The following PLEKHA5 variants were observed in gnomAD, a reference collection of about 807,000 sequenced individuals.
PLEKHA5 encodes pleckstrin homology domain containing A5.
In PLEKHA5, 55 loss-of-function variants were observed where a neutral mutation model predicts 181.9. The observed-to-expected ratio is 0.30, with a 90% confidence interval of 0.24 to 0.38. The LOEUF (loss-of-function observed/expected upper bound fraction) is 0.38, where lower values mean the gene tolerates loss of function less well. Among genes scored for constraint, PLEKHA5 ranks in the 10% least tolerant of loss-of-function variants. PLEKHA5 has a pLI of 1.00. For synonymous variants in PLEKHA5, 535 were observed against 529.4 expected (o/e 1.01, Z -0.15); for missense variants, 1,432 against 1,549.5 (o/e 0.92, Z 1.27).
intron 3 of PLEKHA5, among the ~76,000 whole-genome samples, chr12:19,191,827 C>T (rs1244118137): frequency 6.6e-6 from 1 of 152,124 alleles, no homozygotes; most frequent in East Asian, 1.9e-4. Flanking sequence ...GTTGGTTTCT[C>T]TGCATAAGGC....
chr12:19,210,612 A>G lies in PLEKHA5; in HGVS notation c.228-43328A>G, dbSNP rs192943477. Among the ~76,000 whole-genome samples, 74 of 152,332 alleles carry G rather than the reference A, an allele frequency of 4.9e-4. 2 individuals are homozygous for G. The highest frequency in any genetic ancestry group is 4.8e-3 in the Admixed American group (73 of 15,298). The stretch of plus-strand genomic sequence containing the variant: ...AGCTATACATTTTCCTTGAGAATAA[A>G]TATCTGAAATTATAGTTTAAGTCAA... On this transcript the variant is annotated intron_variant, in intron 3 of 31. Transcript: ENST00000429027.
chr12:19,250,104 C>T (rs774397207), intron 3 of PLEKHA5, among the ~76,000 whole-genome samples: 4 of 152,120 alleles, frequency 2.6e-5, no homozygotes, highest in Non-Finnish European at 5.9e-5. Flanking sequence ...GCCAAATGCT[C>T]CCCTGGAGGC....
At chr12:19,297,514 G>C (rs1404489882) in intron 15 of PLEKHA5, among the ~76,000 whole-genome samples, 4 of 150,600 alleles carry the variant, frequency 2.7e-5, no homozygotes, top group Admixed American at 1.3e-4. Context: ...CCCAGCTACT[G>C]GGGAGGCTGA....
At chr12:19,317,303 A>G (rs1442710145) in intron 16 of PLEKHA5, among the ~76,000 whole-genome samples, 1 of 151,940 alleles carries the variant, frequency 6.6e-6, no homozygotes, top group East Asian at 1.9e-4. Flanking sequence ...AACTGTGATT[A>G]CGATTACACC....
At chr12:19,254,049 C>T in intron 4 of PLEKHA5, 26 bp downstream of exon 4, 8 of 1,353,064 alleles carry the variant, frequency 5.9e-6, no homozygotes, top group Non-Finnish European at 8.3e-6. Flanking sequence ...CATGGAATGC[C>T]TGTATTCAAA....
In PLEKHA5 at chr12:19,322,369, T is replaced by C; in HGVS notation, c.2277T>C (p.Leu759=). ...TGGTGCATGCTCTGGAAGAGAAACT[T>C]CAGCAACTCCACAAGGAGAAAGTAG... ...DKVVHALEEK[L]QQLHKEKYTL... Residue 759 remains leucine (L), a synonymous_variant, in exon 19 of 32, where the codon CTT becomes CTC. Transcript: ENST00000429027. The C allele has an allele frequency of 6.2e-7, 1 of 1,612,660 alleles. No individual in the cohort carries two copies. The highest frequency in any genetic ancestry group is 8.5e-7 in the Non-Finnish European group (1 of 1,178,700).
In PLEKHA5 at chr12:19,322,569, G is replaced by A. The variant is rs768565352; in HGVS notation, c.2350G>A (p.Ala784Thr). The A allele has an allele frequency of 6.2e-7, 1 of 1,613,834 alleles. No homozygotes were observed. Among genetic ancestry groups the A allele is most frequent in the Non-Finnish European group, 8.5e-7 (1 of 1,179,736 alleles). ...LSASQEIEMH[A>T]DNPAAIQTVV... Reference sequence around the variant, plus strand: ...AGCCAGCCAAGAGATAGAAATGCATGCAGATAACCCAGCAGCCATTCAGAC... The same window carrying A: ...AGCCAGCCAAGAGATAGAAATGCATACAGATAACCCAGCAGCCATTCAGAC... The change falls in exon 20 of 32, where the codon GCA becomes ACA. Residue 784 changes from alanine (A) to threonine (T), a missense_variant. Ala to Thr is a moderately conservative substitution (Grantham distance 58). Transcript: ENST00000429027.
chr12:19,236,562 C>T (rs2061437773), intron 3 of PLEKHA5, among the ~76,000 whole-genome samples: 1 of 152,040 alleles, frequency 6.6e-6, no homozygotes, highest in Non-Finnish European at 1.5e-5. Flanking sequence ...TTGGAAAAAA[C>T]AGGAAAAACT....
At chr12:19,208,067 C>T (rs1186781409) in intron 3 of PLEKHA5, among the ~76,000 whole-genome samples, 1 of 152,108 alleles carries the variant, frequency 6.6e-6, no homozygotes, top group Admixed American at 6.5e-5. Context: ...TACTCTCATA[C>T]TCTAAAGAAC....
chr12:19,345,121 C>T (rs1048055402), intron 22 of PLEKHA5, among the ~76,000 whole-genome samples: 4 of 151,322 alleles, frequency 2.6e-5, no homozygotes, highest in East Asian at 3.9e-4. Context: ...AAAAATAAGC[C>T]GGGCGCAGTG....
At chr12:19,133,803 T>C (rs752101807) in intron 3 of PLEKHA5, among the ~76,000 whole-genome samples, 4 of 151,994 alleles carry the variant, frequency 2.6e-5, no homozygotes, top group Admixed American at 2.0e-4. Flanking sequence ...CTATACATTA[T>C]TAGATGGCCT....
intron 3 of PLEKHA5, among the ~76,000 whole-genome samples, chr12:19,158,733 G>A (rs960839913): frequency 6.6e-5 from 10 of 152,106 alleles, no homozygotes; most frequent in African/African-American, 2.2e-4. Context: ...TAGTTTTGAA[G>A]TTTTGAGAAC....
intron 11 of PLEKHA5, among the ~76,000 whole-genome samples, chr12:19,277,045 T>G (rs1477292357): frequency 6.6e-6 from 1 of 152,134 alleles, no homozygotes; most frequent in Non-Finnish European, 1.5e-5. Flanking sequence ...AAAAATTAGA[T>G]TACTTAATGT....
chr12:19,205,514 A>G (rs960908248), intron 3 of PLEKHA5: 2 of 260,220 alleles, frequency 7.7e-6, no homozygotes, highest in East Asian at 3.5e-4. Context: ...CTATGTATTT[A>G]CTTATATCTG....
chr12:19,343,793 C>A (rs2094125455), intron 22 of PLEKHA5, among the ~76,000 whole-genome samples: 1 of 152,160 alleles, frequency 6.6e-6, no homozygotes. Flanking sequence ...TGGCTCACAC[C>A]TGTAATCCCA....
In PLEKHA5 at chr12:19,211,859, G is replaced by C. The variant is rs189486417; in HGVS notation, c.228-42081G>C. ...TTTAAAGTTACTTACCTTTTTTAAA[G>C]TTTAAAGCAGGAGGTACTGCCTTAT... is the stretch of plus-strand genomic sequence containing the variant. On this transcript the variant is annotated intron_variant, in intron 3 of 31. Transcript: ENST00000429027. Among the ~76,000 whole-genome samples the C allele has an allele frequency of 1.9e-3, 292 of 152,288 alleles. 1 individual carries two copies. The highest frequency in any genetic ancestry group is 6.7e-3 in the African/African-American group (279 of 41,564).
intron 3 of PLEKHA5, among the ~76,000 whole-genome samples, chr12:19,171,905 A>G (rs560327930): frequency 6.6e-6 from 1 of 152,286 alleles, no homozygotes; most frequent in East Asian, 1.9e-4. Flanking sequence ...ACTGTATTCT[A>G]CCACCACATC....
In PLEKHA5 at chr12:19,274,813, G is replaced by A; in HGVS notation, c.1143G>A (p.Glu381=). Reference sequence around the variant, plus strand: ...GACCAATCAACTTGAGCAGTTCAGAGAACAAAATAGTCAATGTTAGCCTGG... The same window carrying A: ...GACCAATCAACTTGAGCAGTTCAGAAAACAAAATAGTCAATGTTAGCCTGG... ...HYRPINLSSS[E]NKIVNVSLAD... is the part of the protein sequence containing the mutation. Residue 381 remains glutamate, a synonymous_variant, in exon 11 of 32, where the codon GAG becomes GAA. Coordinates refer to ENST00000429027, the MANE Select transcript of PLEKHA5 (RefSeq NM_001256470.2). The A allele has an allele frequency of 2.5e-6, 4 of 1,614,166 alleles. No homozygotes were observed. The highest frequency in any genetic ancestry group is 3.4e-6 in the Non-Finnish European group (4 of 1,180,048).
At chr12:19,253,732 A>G (rs971993653) in intron 3 of PLEKHA5, among the ~76,000 whole-genome samples, 2 of 152,020 alleles carry the variant, frequency 1.3e-5, no homozygotes, top group Non-Finnish European at 2.9e-5. Context: ...AGGCAGAAGA[A>G]TTGCTTGAAC....
Sources: allele counts gnomAD v4.1 joint callset (sites outside exome capture counted in the v4.1 genomes callset), GRCh38; gene constraint gnomAD v4.1.1; transcripts MANE v1.5; gene names NCBI Gene and HGNC (gene_info 2026-07-23, HGNC 2026-07-21).